TEAD1: variants seen among roughly 807,000 people sequenced by gnomAD.
TEAD1 encodes the protein TEA domain transcription factor 1, also known as transcriptional enhancer factor TEF-1.
Under a neutral mutation model 54.9 loss-of-function variants are expected in TEAD1, and 9 were observed. The observed-to-expected ratio is 0.16, with a 90% confidence interval of 0.10 to 0.29. The LOEUF is 0.29. TEAD1 is among the 10% of genes least tolerant of loss of function. The pLI is 1.00. For missense variants in TEAD1, 387 were observed against 535.9 expected (o/e 0.72, Z 2.74); for synonymous variants, 200 against 187.8 (o/e 1.07, Z -0.53).
At chr11:12,726,646 A>G (rs1944319809) in intron 2 of TEAD1, among the ~76,000 whole-genome samples, 1 of 152,118 alleles carries the variant, frequency 6.6e-6, no homozygotes. Flanking sequence ...AGGCTGGCCA[A>G]TTGCTTGAGC....
At chr11:12,721,340 A>G (rs1026604183) in intron 2 of TEAD1, among the ~76,000 whole-genome samples, 1 of 152,114 alleles carries the variant, frequency 6.6e-6, no homozygotes, top group African/African-American at 2.4e-5. Flanking sequence ...GGCTCTTGCG[A>G]GTGCCTACTG....
rs780796492 is a variant in TEAD1, at chr11:12,881,065, G to C, written c.512+14G>C. The C allele has an allele frequency of 1.2e-6, 2 of 1,614,088 alleles. No homozygotes were observed. The highest frequency in any genetic ancestry group is 1.7e-6 in the Non-Finnish European group (2 of 1,179,990). ...ATCCTCACAAGAGTAAGTCTGAGGA[G>C]GGGTGGGCACTGACAACTACGGGCT... On this transcript the variant is annotated intron_variant, in intron 7 of 12. Coordinates refer to ENST00000527636, the MANE Select transcript of TEAD1 (RefSeq NM_021961.6).
rs373056121 is a variant in TEAD1 at position 12,881,859 on chromosome 11, G to A, written c.513-37G>A. 220 of 1,609,218 alleles carry A rather than the reference G, an allele frequency of 1.4e-4. 1 individual carries two copies. The African/African-American group carries it at 2.4e-3, about 18-fold the overall frequency. ...GGGTAATAGCCCCTGCTGCAGATGC[G>A]ATCTCTTAACTCTGTCTGCCATCTC... On this transcript the variant is annotated intron_variant, in intron 7 of 12. Coordinates refer to ENST00000527636, the MANE Select transcript of TEAD1 (RefSeq NM_021961.6).
intron 2 of TEAD1, among the ~76,000 whole-genome samples, chr11:12,743,496 G>A (rs79046471): frequency 1.3e-5 from 2 of 152,038 alleles, no homozygotes; most frequent in Non-Finnish European, 2.9e-5. Context: ...TTAGAACTAG[G>A]TTCATGAATC....
At chr11:12,835,521 A>G (rs564028129) in intron 3 of TEAD1, among the ~76,000 whole-genome samples, 14 of 151,006 alleles carry the variant, frequency 9.3e-5, no homozygotes, top group African/African-American at 1.2e-4. Context: ...GGGTTTCGCA[A>G]TGTTGACCAG....
intron 3 of TEAD1, among the ~76,000 whole-genome samples, chr11:12,858,950 T>C (rs1291559209): frequency 6.6e-6 from 1 of 152,214 alleles, no homozygotes; most frequent in African/African-American, 2.4e-5. Context: ...CTGAATACTG[T>C]AGGCCATTGT....
At chr11:12,901,543 T>C (rs577136329) in intron 9 of TEAD1, among the ~76,000 whole-genome samples, 3 of 152,324 alleles carry the variant, frequency 2.0e-5, no homozygotes. Context: ...AAGTGCATTC[T>C]GGGTTATGAC....
At chr11:12,861,366 T>G (rs770419452) in intron 3 of TEAD1, among the ~76,000 whole-genome samples, 2 of 152,190 alleles carry the variant, frequency 1.3e-5, no homozygotes, top group African/African-American at 4.8e-5. Flanking sequence ...CCCAGAAGGT[T>G]ATATAACTTG....
At chr11:12,678,005 A>G (rs1943134001) in intron 2 of TEAD1, among the ~76,000 whole-genome samples, 1 of 152,228 alleles carries the variant, frequency 6.6e-6, no homozygotes, top group Non-Finnish European at 1.5e-5. Context: ...CCATATTCAC[A>G]TACAGACAGT....
At position 12,752,389 on chromosome 11, in the gene TEAD1, A is replaced by G. The variant is rs183691624; in HGVS notation, c.-54-11790A>G. 1.8e-3 allele frequency among the ~76,000 whole-genome samples: 274 copies of G among 152,274 alleles called. 6 individuals are homozygous for G. Among genetic ancestry groups the G allele is most frequent in the East Asian group, 3.9e-4 (2 of 5,186 alleles). ...TCTATTGATCTGCACTGACATGACC[A>G]GAACCTCCTAAGCCTCCCCACGCTG... On this transcript the variant is annotated intron_variant, in intron 2 of 12. Transcript: ENST00000527636.
chr11:12,722,564 T>C (rs1944230418), intron 2 of TEAD1, among the ~76,000 whole-genome samples: 1 of 152,100 alleles, frequency 6.6e-6, no homozygotes, highest in African/African-American at 2.4e-5. Flanking sequence ...AAAAATAACA[T>C]ACAAATTGGT....
intron 3 of TEAD1, among the ~76,000 whole-genome samples, chr11:12,829,280 A>C (rs1446595944): frequency 6.6e-6 from 1 of 152,154 alleles, no homozygotes; most frequent in Non-Finnish European, 1.5e-5. Flanking sequence ...CAATTGTTCA[A>C]AACATACGTG....
intron 2 of TEAD1, among the ~76,000 whole-genome samples, chr11:12,723,787 T>C (rs1352204283): frequency 6.6e-6 from 1 of 152,220 alleles, no homozygotes; most frequent in East Asian, 1.9e-4. Context: ...TGTAACACAT[T>C]GCCTGTAACT....
At chr11:12,919,023 C>G (rs747564) in intron 10 of TEAD1, among the ~76,000 whole-genome samples, 266 of 152,276 alleles carry the variant, frequency 1.7e-3, no homozygotes, top group African/African-American at 6.1e-3. Flanking sequence ...GAGGGACTTC[C>G]ATTTCTTCAT....
At chr11:12,688,582 C>G (rs1943384261) in intron 2 of TEAD1, among the ~76,000 whole-genome samples, 1 of 152,160 alleles carries the variant, frequency 6.6e-6, no homozygotes, top group African/African-American at 2.4e-5. Context: ...CTGTGCAGTT[C>G]TTACTAGTGC....
At chr11:12,754,777 G>A (rs1944952396) in intron 2 of TEAD1, among the ~76,000 whole-genome samples, 2 of 152,160 alleles carry the variant, frequency 1.3e-5, no homozygotes, top group Admixed American at 6.5e-5. Flanking sequence ...CCTGATTCAG[G>A]TTTTCCTTGT....
chr11:12,739,502 C>T (rs192452857), intron 2 of TEAD1, among the ~76,000 whole-genome samples: 6 of 152,232 alleles, frequency 3.9e-5, no homozygotes, highest in Non-Finnish European at 8.8e-5. Flanking sequence ...TTTGACTACT[C>T]TAGGTACCGC....
chr11:12,691,713 G>GTCAT (rs1943461455), intron 2 of TEAD1, among the ~76,000 whole-genome samples: 1 of 152,174 alleles, frequency 6.6e-6, no homozygotes, highest in South Asian at 2.1e-4. Context: ...GAAGTCTTTA[G>GTCAT]TCATTGCCTT....
At chr11:12,893,135 G>A (rs1004385348) in intron 9 of TEAD1, among the ~76,000 whole-genome samples, 7 of 152,202 alleles carry the variant, frequency 4.6e-5, no homozygotes, top group African/African-American at 1.7e-4. Context: ...CTCATGCTTC[G>A]GAATAAGTGG....
Sources: gnomAD v4.1 joint callset for allele counts (sites outside exome capture counted in the v4.1 genomes callset) on GRCh38, gnomAD v4.1.1 for gene constraint, MANE v1.5 for transcripts, NCBI Gene and HGNC (gene_info 2026-07-23, HGNC 2026-07-21) for gene names.